Variants in ABCC4 observed in about 807,000 individuals in gnomAD.
ABCC4 encodes ATP binding cassette subfamily C member 4 (PEL blood group), also known as ATP-binding cassette sub-family C member 4.
In ABCC4, 102 loss-of-function variants were observed where a neutral mutation model predicts 168.5. That is an observed-to-expected ratio of 0.61 (90% CI 0.52 to 0.71). The LOEUF (loss-of-function observed/expected upper bound fraction) is 0.71. Ranked by LOEUF, ABCC4 falls within the 30% of genes least tolerant of loss-of-function variation. The pLI, the probability that ABCC4 is intolerant of heterozygous loss-of-function variation, is 0.00. For synonymous variants in ABCC4, 617 were observed against 590.7 expected, an observed-to-expected ratio of 1.04 and a Z score of -0.65; for missense variants, 1,402 against 1,605.8, an observed-to-expected ratio of 0.87 and a Z score of 2.17.
In ABCC4 at chr13:95,098,817, T is replaced by A. The variant is rs144206797; in HGVS notation, c.2536-15527A>T. Among the ~76,000 whole-genome samples, 119 of 152,262 alleles carry A rather than the reference T, an allele frequency of 7.8e-4. 2 individuals are homozygous for A. Among genetic ancestry groups the A allele is most frequent in the Middle Eastern group, 3.4e-3 (1 of 294 alleles). ...AGCTCAATATTAATCATCAAGGCAA[T>A]GCAAATGGATCATCTATACTCTACT... is the stretch of plus-strand genomic sequence containing the variant. On this transcript the variant is annotated intron_variant, in intron 20 of 30. Coordinates refer to ENST00000645237, the MANE Select transcript of ABCC4 (RefSeq NM_005845.5).
At chr13:95,057,910 G>T (rs1179145319) in intron 26 of ABCC4, among the ~76,000 whole-genome samples, 2 of 152,194 alleles carry the variant, frequency 1.3e-5, no homozygotes, top group African/African-American at 2.4e-5. Context: ...TTCTGAGGAA[G>T]AGGGGTGTAT....
intron 19 of ABCC4, among the ~76,000 whole-genome samples, chr13:95,139,093 T>C (rs959046669): frequency 1.3e-5 from 2 of 152,238 alleles, no homozygotes; most frequent in Admixed American, 6.5e-5. Context: ...CGCATCCATC[T>C]TCCCCACAAT....
At chr13:95,119,433 T>TGA (rs371638428) in intron 19 of ABCC4, among the ~76,000 whole-genome samples, 12 of 150,728 alleles carry the variant, frequency 8.0e-5, no homozygotes, top group South Asian at 2.1e-4. Flanking sequence ...AATTTTCCTC[T>TGA]GAGAGAGAGA....
intron 1 of ABCC4, among the ~76,000 whole-genome samples, chr13:95,251,510 C>T (rs1482273144): frequency 6.6e-6 from 1 of 152,178 alleles, no homozygotes; most frequent in African/African-American, 2.4e-5. Context: ...TATGCATTTG[C>T]ATAACCCTAA....
chr13:95,274,636 G>C (rs747615545), intron 1 of ABCC4, among the ~76,000 whole-genome samples: 4 of 152,174 alleles, frequency 2.6e-5, no homozygotes, highest in Non-Finnish European at 5.9e-5. Context: ...TCCTACAGGG[G>C]GGACCAAGAC....
intron 25 of ABCC4, among the ~76,000 whole-genome samples, chr13:95,066,416 G>T (rs541056401): frequency 0.039 from 5,981 of 152,252 alleles, 426 homozygotes; most frequent in African/African-American, 0.14. Flanking sequence ...GGCGACAGGT[G>T]CTGTGGGCAG....
intron 1 of ABCC4, among the ~76,000 whole-genome samples, chr13:95,297,830 TGAA>T (rs1427638610): frequency 6.6e-6 from 1 of 152,126 alleles, no homozygotes; most frequent in East Asian, 1.9e-4. Context: ...TGTGGCAATA[TGAA>T]GTACTTTCGA....
chr13:95,301,045 A>C (rs1160136598), intron 1 of ABCC4, among the ~76,000 whole-genome samples, 196 bp downstream of exon 1: 1 of 151,674 alleles, frequency 6.6e-6, no homozygotes, highest in Non-Finnish European at 1.5e-5. Context: ...CCCGGGGCGC[A>C]GGCAGGGACC....
At chr13:95,107,464 T>C (rs896245766) in intron 20 of ABCC4, among the ~76,000 whole-genome samples, 2 of 152,240 alleles carry the variant, frequency 1.3e-5, no homozygotes, top group Non-Finnish European at 2.9e-5. Flanking sequence ...ATTAGTACAA[T>C]GTACAATCAC....
At chr13:95,067,147 A>T (rs1474405964) in intron 25 of ABCC4, among the ~76,000 whole-genome samples, 1 of 152,158 alleles carries the variant, frequency 6.6e-6, no homozygotes, top group Admixed American at 6.5e-5. Flanking sequence ...ACGGAACTCA[A>T]ATACATCGCT....
At chr13:95,113,617 A>G (rs2035277820) in intron 20 of ABCC4, among the ~76,000 whole-genome samples, 1 of 151,784 alleles carries the variant, frequency 6.6e-6, no homozygotes, top group African/African-American at 2.4e-5. Context: ...CCTTTATTTG[A>G]GGGCAGGTTA....
chr13:95,243,629 G>A (rs2040002904), intron 3 of ABCC4, among the ~76,000 whole-genome samples: 1 of 152,140 alleles, frequency 6.6e-6, no homozygotes, highest in Non-Finnish European at 1.5e-5. Flanking sequence ...GCTCACACCT[G>A]TAATCCCATT....
intron 19 of ABCC4, among the ~76,000 whole-genome samples, chr13:95,136,226 A>G (rs760637866): frequency 9.4e-4 from 143 of 152,154 alleles, no homozygotes; most frequent in Non-Finnish European, 1.6e-3. Flanking sequence ...AAAAGTGAGT[A>G]TAGTGGTGCA....
intron 30 of ABCC4, among the ~76,000 whole-genome samples, chr13:95,025,577 G>A (rs2031499080): frequency 6.7e-6 from 1 of 149,174 alleles, no homozygotes; most frequent in Non-Finnish European, 1.5e-5. Flanking sequence ...ATTCCCTTTA[G>A]CCAGAAACAA....
At chr13:95,240,531 A>AACACACACAC (rs56298285) in intron 3 of ABCC4, among the ~76,000 whole-genome samples, 4 of 149,548 alleles carry the variant, frequency 2.7e-5, no homozygotes, top group African/African-American at 9.9e-5. Context: ...TCCATCTCAA[A>AACACACACAC]ACACACACAC....
At position 95,242,469 on chromosome 13, in the gene ABCC4, G is replaced by A. The variant is rs553377103; in HGVS notation, c.306+4506C>T. Among the ~76,000 whole-genome samples the A allele has an allele frequency of 1.8e-3, 281 of 152,072 alleles. 2 individuals are homozygous for A. The highest frequency in any genetic ancestry group is 0.016 in the South Asian group (76 of 4,804). ...TCTCGAACTCCTGACCTTGTGATCC[G>A]CCCGCCTTGGCCTCCCAAAGTGCTG... On this transcript the variant is annotated intron_variant, in intron 3 of 30. Transcript: ENST00000645237.
intron 4 of ABCC4, among the ~76,000 whole-genome samples, chr13:95,228,162 C>A (rs372114746): frequency 6.6e-6 from 1 of 152,182 alleles, no homozygotes; most frequent in African/African-American, 2.4e-5. Flanking sequence ...AATTTGCTAT[C>A]AATTGTCTGT....
At chr13:95,025,182 CACACACCCACACCACACACCCCCACA>C (rs2031352063) in intron 30 of ABCC4, among the ~76,000 whole-genome samples, 1 of 141,658 alleles carries the variant, frequency 7.1e-6, no homozygotes, top group African/African-American at 2.7e-5. Context: ...CACACACCCA[CACACACCCACACCACACACCCCCACA>C]CCCCCCACAC....
Position 95,153,454 on chromosome 13 carries a change from AC to A in ABCC4, c.2455+7734del, listed in dbSNP as rs2036756246. Among the ~76,000 whole-genome samples, 5 of 152,320 alleles carry A rather than the reference AC, an allele frequency of 3.3e-5. No individual in the cohort carries two copies. The South Asian group carries it at 1.0e-3, about 32-fold the overall frequency. On this transcript the variant is annotated intron_variant, in intron 19 of 30. Coordinates refer to ENST00000645237, the MANE Select transcript of ABCC4 (RefSeq NM_005845.5). ...GACATTAGACTGAAGTGGAGAACTT[AC>A]ATATATCGAGAGAGACAGAGAGAGA...
Sources: allele counts gnomAD v4.1 joint callset (sites outside exome capture counted in the v4.1 genomes callset), GRCh38; gene constraint gnomAD v4.1.1; transcripts MANE v1.5; gene names NCBI Gene and HGNC (gene_info 2026-07-23, HGNC 2026-07-21).